Variants in NKAP observed in about 807,000 individuals in gnomAD.
The protein encoded by NKAP is NFKB activating protein, also known as NF-kappa-B-activating protein.
In NKAP, 4 loss-of-function variants were observed where a neutral mutation model predicts 35.6. That is an observed-to-expected ratio of 0.11 (90% CI 0.06 to 0.26). The LOEUF (loss-of-function observed/expected upper bound fraction) is 0.26, where lower values mean the gene tolerates loss of function less well. Among genes scored for constraint, NKAP ranks in the 10% least tolerant of loss-of-function variants. The probability of loss-of-function intolerance (pLI) is 1.00; values close to 1 mark genes in which losing one functional copy is unlikely to be tolerated. For synonymous variants in NKAP, 106 were observed against 119.2 expected, an observed-to-expected ratio of 0.89 and a Z score of 0.72; for missense variants, 238 against 321.9, an observed-to-expected ratio of 0.74 and a Z score of 1.99.
chrX:119,943,292 G>A lies in NKAP; in HGVS notation c.314C>T (p.Ser105Leu), dbSNP rs1374247843. The change falls in exon 1 of 9, where the codon TCG becomes TTG. Residue 105 changes from serine (S) to leucine (L), a missense_variant. This residue lies in a region of NKAP where 123 missense variants were observed against 115.3 expected (regional missense o/e 1.07). Coordinates refer to ENST00000371410, the MANE Select transcript of NKAP (RefSeq NM_024528.4). ...AGGCTTGTCGCTCCCGTAGGGGCGC[G>A]AGTAGCTGCCGTAATAGACTGACGA... ...ASSSVYYGSY[S>L]RPYGSDKPWP... 4 of 1,210,947 alleles carry A rather than the reference G, an allele frequency of 3.3e-6. No individual in the cohort carries two copies. The highest frequency in any genetic ancestry group is 1.7e-5 in the African/African-American group (1 of 57,957).
At chrX:119,939,990 G>C (rs1351679961) in intron 1 of NKAP, among the ~76,000 whole-genome samples, 1 of 108,541 alleles carries the variant, frequency 9.2e-6, no homozygotes, top group East Asian at 3.0e-4. Context: ...CCAAAGCGTT[G>C]GGATCACAGG....
intron 1 of NKAP, 122 bp downstream of exon 1, chrX:119,943,098 G>A: frequency 1.1e-6 from 1 of 936,875 alleles, no homozygotes; most frequent in Non-Finnish European, 1.5e-6. Flanking sequence ...AGAAAGGGAT[G>A]AAAATGGGCG....
intron 2 of NKAP, chrX:119,937,322 T>TGTCC (rs2147848811): frequency 9.0e-6 from 1 of 111,369 alleles, no homozygotes; most frequent in African/African-American, 3.3e-5. Context: ...TCTAGAAAAT[T>TGTCC]ATTTTGGCTG....
intron 7 of NKAP, among the ~76,000 whole-genome samples, chrX:119,930,640 G>A (rs1036728709): frequency 7.2e-5 from 8 of 110,447 alleles, no homozygotes; most frequent in South Asian, 3.8e-4. Flanking sequence ...CCAACATAGC[G>A]AAACCCCGTC....
intron 8 of NKAP, 91 bp downstream of exon 8, chrX:119,929,925 A>T: frequency 2.2e-6 from 2 of 911,000 alleles, no homozygotes; most frequent in Non-Finnish European, 3.0e-6. Flanking sequence ...ACAGTCACTT[A>T]ATGAAAATCA....
Position 119,943,735 on chromosome X carries a change from G to C in NKAP, c.-130C>G, listed in dbSNP as rs769354012. Reference sequence around the variant, plus strand: ...CAAATCTGAGGAAACCTTGGACACAGTTCTGGGTACTTCTGCAAAACCCTT... The same window carrying C: ...CAAATCTGAGGAAACCTTGGACACACTTCTGGGTACTTCTGCAAAACCCTT... On this transcript the variant is annotated 5_prime_UTR_variant, in exon 1 of 9. Transcript: ENST00000371410. 1.8e-4 allele frequency: 139 copies of C among 777,254 alleles called. No individual in the cohort carries two copies. The highest frequency in any genetic ancestry group is 2.3e-4 in the Non-Finnish European group (131 of 571,402). 64.1% of individuals were successfully genotyped at this position (777,254 alleles called of 1,213,427 possible).
rs1024895905 is a variant in NKAP at position 119,925,560 on chromosome X, C to CT, written c.1074-167dup. Among the ~76,000 whole-genome samples the CT allele has an allele frequency of 7.9e-4, 87 of 109,444 alleles. 2 individuals carry two copies. The highest frequency in any genetic ancestry group is 2.5e-3 in the African/African-American group (74 of 30,179). ...TAATATTTTAGCTGCCTGACACGTC[C>CT]TTTTTTTTTGTTTTGTTTTGAGATG... is the stretch of plus-strand genomic sequence containing the variant. On this transcript the variant is annotated intron_variant, in intron 8 of 8. Transcript: ENST00000371410.
In NKAP at chrX:119,943,538, C is replaced by T; in HGVS notation, c.68G>A (p.Ser23Asn). Residue 23 changes from serine to asparagine, a missense_variant, in exon 1 of 9, where the codon AGT becomes AAT. This residue lies in a region of NKAP where 123 missense variants were observed against 115.3 expected (regional missense o/e 1.07). Coordinates refer to ENST00000371410, the MANE Select transcript of NKAP (RefSeq NM_024528.4). Reference protein sequence around the residue: ...EASGSGGRRRSSSKSPKPSKS... With the variant: ...EASGSGGRRRNSSKSPKPSKS... ...GCTGGGCTTCGGACTCTTCGACGAA[C>T]TGCGACGTCTTCCCCCCGAGCCCGA... 4 of 1,207,802 alleles carry T rather than the reference C, an allele frequency of 3.3e-6. No individual in the cohort carries two copies. The highest frequency in any genetic ancestry group is 4.5e-6 in the Non-Finnish European group (4 of 892,851).
At chrX:119,936,510 G>T in intron 3 of NKAP, 79 bp from the exon 4 acceptor site, 1 of 964,490 alleles carries the variant, frequency 1.0e-6, no homozygotes, top group South Asian at 2.3e-5. Context: ...TGGGCAATTT[G>T]AGTAAAAGCA....
Position 119,920,722 on chromosome X carries a change from C to A in NKAP, c.*4498G>T. 1.8e-6 allele frequency: 1 copy of A among 544,082 alleles called. No homozygotes were observed. Among genetic ancestry groups the A allele is most frequent in the Non-Finnish European group, 2.8e-6 (1 of 357,388 alleles). The allele number at this position is 544,082 out of a possible 1,213,427, so 44.8% of individuals were successfully genotyped here. A position where few individuals can be genotyped will look rare whatever the true frequency, so the allele number is the denominator to read the frequency against. ...AATAAACTTGTGGCACACAATCCAG[C>A]TGTATTTTTTTGCATTCATTCATTT... On this transcript the variant is annotated 3_prime_UTR_variant, in exon 9 of 9. Transcript: ENST00000371410.
At position 119,936,289 on chromosome X, in the gene NKAP, G is replaced by A. The variant is rs374669079; in HGVS notation, c.673+8C>T. On this transcript the variant is annotated splice_region_variant and intron_variant, in intron 4 of 8. Transcript: ENST00000371410. ...GCAAGGCTTGCAGAATGCTGTTGGC[G>A]TTCTTACCACTGGAGTCTGTTTCAG... 1.4e-4 allele frequency: 172 copies of A among 1,201,411 alleles called. No individual in the cohort carries two copies. Among genetic ancestry groups the A allele is most frequent in the Non-Finnish European group, 1.7e-4 (154 of 891,839 alleles).
chrX:119,942,344 C>T (rs1048665847), intron 1 of NKAP, among the ~76,000 whole-genome samples: 4 of 110,758 alleles, frequency 3.6e-5, no homozygotes, highest in African/African-American at 3.3e-5. Context: ...TGTGGTGGTG[C>T]GCACCTATAG....
At chrX:119,930,432 TCA>T (rs2056734575) in intron 7 of NKAP, among the ~76,000 whole-genome samples, 1 of 112,409 alleles carries the variant, frequency 8.9e-6, no homozygotes, top group South Asian at 3.6e-4. Context: ...GAGTATAGAT[TCA>T]CAGTTTACAA....
At chrX:119,931,336 T>C (rs1275023213) in intron 7 of NKAP, among the ~76,000 whole-genome samples, 1 of 107,111 alleles carries the variant, frequency 9.3e-6, no homozygotes, top group Non-Finnish European at 2.0e-5. Flanking sequence ...ACCGTATCTC[T>C]ACTGAAAATA....
At chrX:119,936,550 AT>A (rs1228384866) in intron 3 of NKAP, 61 bp downstream of exon 3, 149 of 1,021,216 alleles carry the variant, frequency 1.5e-4, no homozygotes, top group Non-Finnish European at 1.5e-4. Flanking sequence ...TTACAAACTG[AT>A]TTTTTTAAAT....
At chrX:119,930,238 A>T in intron 7 of NKAP, 73 bp from the exon 8 acceptor site, 1 of 1,015,973 alleles carries the variant, frequency 9.8e-7, no homozygotes, top group Non-Finnish European at 1.3e-6. Context: ...ATCTAAAGAG[A>T]GCACCAAAAA....
intron 7 of NKAP, among the ~76,000 whole-genome samples, chrX:119,931,580 C>T (rs746104062): frequency 9.0e-6 from 1 of 111,507 alleles, no homozygotes; most frequent in Non-Finnish European, 1.9e-5. Flanking sequence ...CTGTGAGGAT[C>T]AAAGAGAAAC....
Position 119,925,466 on chromosome X carries a change from T to C in NKAP, c.1074-72A>G, listed in dbSNP as rs756312046. ...ATAGTACATCATCATTAATCCTTTC[T>C]TACCCAGAGTGGTCTATTTAACAGC... On this transcript the variant is annotated intron_variant, in intron 8 of 8. Coordinates refer to ENST00000371410, the MANE Select transcript of NKAP (RefSeq NM_024528.4). 16 of 1,034,420 alleles carry C rather than the reference T, an allele frequency of 1.5e-5. No individual in the cohort carries two copies. In the African/African-American group the frequency reaches 2.1e-4, roughly 14 times the overall value. The allele number at this position is 1,034,420 out of a possible 1,213,427, so 85.2% of individuals were successfully genotyped here.
At chrX:119,931,744 G>C (rs1031142983) in intron 7 of NKAP, among the ~76,000 whole-genome samples, 192 bp downstream of exon 7, 1 of 110,713 alleles carries the variant, frequency 9.0e-6, no homozygotes, top group Non-Finnish European at 1.9e-5. Context: ...AAGGCATACT[G>C]GATGAAGAAA....
Sources: gnomAD v4.1 joint callset for allele counts (sites outside exome capture counted in the v4.1 genomes callset) on GRCh38, gnomAD v4.1.1 for gene constraint, gnomAD v4.1.1 regional missense constraint, MANE v1.5 for transcripts, NCBI Gene and HGNC (gene_info 2026-07-23, HGNC 2026-07-21) for gene names.